The following GRIN2B variants were observed in gnomAD, a reference collection of about 807,000 sequenced individuals.
The protein encoded by GRIN2B is glutamate receptor ionotropic, NMDA 2B.
A neutral mutation model predicts 114.5 loss-of-function variants in GRIN2B; 5 were observed. The observed-to-expected ratio is 0.04, with a 90% CI of 0.02 to 0.09. The LOEUF is 0.09. Among genes scored for constraint, GRIN2B ranks in the 10% least tolerant of loss-of-function variants. The pLI, the probability that GRIN2B is intolerant of heterozygous loss-of-function variation, is 1.00. For missense variants in GRIN2B, 1,108 were observed against 1,943.5 expected, an observed-to-expected ratio of 0.57 and a Z score of 8.08; for synonymous variants, 787 against 745.1, an observed-to-expected ratio of 1.06 and a Z score of -0.92.
chr12:13,565,794 G>T (rs1241700219), intron 13 of GRIN2B, among the ~76,000 whole-genome samples: 1 of 152,174 alleles, frequency 6.6e-6, no homozygotes, highest in Admixed American at 6.5e-5. Context: ...AAGAAGAAAG[G>T]TTTAGACAAG....
chr12:13,917,639 T>C (rs1287212557), intron 2 of GRIN2B, among the ~76,000 whole-genome samples: 1 of 147,100 alleles, frequency 6.8e-6, no homozygotes, highest in Non-Finnish European at 1.5e-5. Flanking sequence ...TACGCCATGC[T>C]TAAGGAGACC....
chr12:13,976,079 C>A, intron 2 of GRIN2B, among the ~76,000 whole-genome samples: 1 of 152,378 alleles, frequency 6.6e-6, no homozygotes, highest in Middle Eastern at 3.4e-3. Context: ...CCGCAGGCAC[C>A]ATTAACAGCC....
chr12:13,574,604 C>A (rs1482121978), intron 10 of GRIN2B, among the ~76,000 whole-genome samples: 7 of 152,172 alleles, frequency 4.6e-5, no homozygotes, highest in Admixed American at 2.0e-4. Flanking sequence ...TAAATGGAAT[C>A]CAGTGCCCAG....
intron 4 of GRIN2B, among the ~76,000 whole-genome samples, chr12:13,741,271 C>G (rs1394580368): frequency 1.3e-5 from 2 of 152,092 alleles, no homozygotes; most frequent in African/African-American, 4.8e-5. Context: ...ACCTCATGAT[C>G]CACCCACCTT....
chr12:13,739,401 A>AG lies in GRIN2B; in HGVS notation c.1010+13915_1010+13916insC, dbSNP rs1863241392. Among the ~76,000 whole-genome samples the AG allele has an allele frequency of 1.4e-3, 204 of 143,342 alleles. 1 individual carries two copies. Among genetic ancestry groups the AG allele is most frequent in the African/African-American group, 5.2e-3 (197 of 37,976 alleles). The allele number at this position is 143,342 out of a possible 152,430, so 94.0% of individuals were successfully genotyped here. Reference sequence around the variant, plus strand: ...AAAAAAAAAAAAAAAAAAAAAAAAAAAGAAGAAAAGGAAAAAAAAAGCTAA... The same window carrying AG: ...AAAAAAAAAAAAAAAAAAAAAAAAAAGAGAAGAAAAGGAAAAAAAAAGCTAA... On this transcript the variant is annotated intron_variant, in intron 4 of 13. Transcript: ENST00000609686.
At chr12:13,764,181 A>G (rs1396883539) in intron 3 of GRIN2B, among the ~76,000 whole-genome samples, 1 of 129,312 alleles carries the variant, frequency 7.7e-6, no homozygotes, top group Non-Finnish European at 1.7e-5. Flanking sequence ...CTATATCCAT[A>G]CCAAAAAAAA....
rs139914188 is a variant in GRIN2B, at chr12:13,560,185, C to T, written c.*2598G>A. The T allele has an allele frequency of 1.3e-5, 2 of 152,136 alleles. No individual in the cohort carries two copies. Among genetic ancestry groups the T allele is most frequent in the South Asian group, 2.1e-4 (1 of 4,822 alleles). The allele number at this position is 152,136 out of a possible 1,614,324, so 9.4% of individuals were successfully genotyped here. A position where few individuals can be genotyped will look rare whatever the true frequency, so the allele number is the denominator to read the frequency against. On this transcript the variant is annotated 3_prime_UTR_variant, in exon 14 of 14. Coordinates refer to ENST00000609686, the MANE Select transcript of GRIN2B (RefSeq NM_000834.5). The stretch of plus-strand genomic sequence containing the variant: ...GGGGGGGATGGACACAATTACTTTC[C>T]CCTGGCTTTTTCACCATAGTGGCCT...
intron 10 of GRIN2B, among the ~76,000 whole-genome samples, chr12:13,578,112 G>T (rs543088028): frequency 6.6e-6 from 1 of 152,198 alleles, no homozygotes; most frequent in Non-Finnish European, 1.5e-5. Context: ...TAGAGATAAG[G>T]TATCTCCATG....
intron 13 of GRIN2B, among the ~76,000 whole-genome samples, chr12:13,566,469 G>C (rs1806205): frequency 0.27 from 41,759 of 152,038 alleles, 6,455 homozygotes; most frequent in East Asian, 0.51. Flanking sequence ...TGACCTAAGA[G>C]TTTTACTCTT....
intron 2 of GRIN2B, among the ~76,000 whole-genome samples, chr12:13,965,520 T>C (rs918798708): frequency 6.6e-6 from 1 of 151,680 alleles, no homozygotes; most frequent in Non-Finnish European, 1.5e-5. Context: ...ATGTTGGTCT[T>C]GTGTTCCCTA....
chr12:13,835,771 T>TAAAAAAAAAAAA (rs1165005583), intron 3 of GRIN2B, among the ~76,000 whole-genome samples: 1 of 91,484 alleles, frequency 1.1e-5, no homozygotes, highest in Admixed American at 1.3e-4. Flanking sequence ...CATAGCACAT[T>TAAAAAAAAAAAA]AAAAAAAAAA....
intron 2 of GRIN2B, among the ~76,000 whole-genome samples, chr12:13,901,465 T>C (rs957238835): frequency 7.9e-5 from 12 of 152,226 alleles, no homozygotes; most frequent in African/African-American, 2.2e-4. Flanking sequence ...TCTAAATCAG[T>C]GTTGTCTATC....
chr12:13,576,930 G>A (rs1293236164), intron 10 of GRIN2B, among the ~76,000 whole-genome samples: 6 of 152,158 alleles, frequency 3.9e-5, no homozygotes, highest in Admixed American at 6.5e-5. Context: ...ACCCAGATTG[G>A]AATTATCAAC....
chr12:13,972,012 T>C (rs1862931695), intron 2 of GRIN2B, among the ~76,000 whole-genome samples: 1 of 152,206 alleles, frequency 6.6e-6, no homozygotes, highest in Admixed American at 6.5e-5. Flanking sequence ...AGGTCTTACC[T>C]TCATGTTAAA....
At chr12:13,971,398 G>A in intron 2 of GRIN2B, among the ~76,000 whole-genome samples, 1 of 152,204 alleles carries the variant, frequency 6.6e-6, no homozygotes, top group Non-Finnish European at 1.5e-5. Flanking sequence ...AGCCAAAAAG[G>A]AAGGATGTGA....
intron 5 of GRIN2B, among the ~76,000 whole-genome samples, chr12:13,620,192 G>A (rs1242119716): frequency 6.6e-6 from 1 of 152,154 alleles, no homozygotes; most frequent in Non-Finnish European, 1.5e-5. Context: ...CCAAGGAAAG[G>A]GCAAGAGTGA....
At chr12:13,750,099 T>G (rs1368561809) in intron 4 of GRIN2B, among the ~76,000 whole-genome samples, 2 of 152,308 alleles carry the variant, frequency 1.3e-5, no homozygotes, top group South Asian at 2.1e-4. Flanking sequence ...AGACACTTCT[T>G]AAGCCGTACA....
At chr12:13,680,153 T>C (rs532356773) in intron 4 of GRIN2B, among the ~76,000 whole-genome samples, 29 of 152,144 alleles carry the variant, frequency 1.9e-4, no homozygotes, top group Non-Finnish European at 3.5e-4. Context: ...CTAGATCAAA[T>C]GGCTATATTA....
chr12:13,899,122 C>T (rs891953391), intron 2 of GRIN2B, among the ~76,000 whole-genome samples: 1 of 152,158 alleles, frequency 6.6e-6, no homozygotes, highest in Non-Finnish European at 1.5e-5. Context: ...GAACCTAACA[C>T]TGTCTTACAC....
Sources: gnomAD v4.1 joint callset for allele counts (sites outside exome capture counted in the v4.1 genomes callset) on GRCh38, gnomAD v4.1.1 for gene constraint, MANE v1.5 for transcripts, NCBI Gene and HGNC (gene_info 2026-07-23, HGNC 2026-07-21) for gene names.